The following MINDY3 variants were observed in gnomAD, a reference collection of about 807,000 sequenced individuals.
MINDY3 encodes ubiquitin carboxyl-terminal hydrolase MINDY-3.
A neutral mutation model predicts 69.2 loss-of-function variants in MINDY3; 38 were observed. The ratio of observed to expected loss-of-function variants is 0.55; its 90% CI spans 0.42 to 0.72. The LOEUF (loss-of-function observed/expected upper bound fraction) is 0.72. MINDY3 is among the 30% of genes least tolerant of loss of function. The pLI is 0.00. For missense variants in MINDY3, 522 were observed against 519.0 expected (o/e 1.01, Z -0.06); for synonymous variants, 192 against 180.1 (o/e 1.07, Z -0.53).
At chr10:15,787,294 A>G (rs1015906432) in intron 12 of MINDY3, among the ~76,000 whole-genome samples, 1 of 152,152 alleles carries the variant, frequency 6.6e-6, no homozygotes, top group Non-Finnish European at 1.5e-5. Context: ...GGCTGGTGAC[A>G]GGTGGTGTTA....
intron 8 of MINDY3, among the ~76,000 whole-genome samples, chr10:15,823,125 G>T (rs1839880258): frequency 1.3e-5 from 2 of 152,072 alleles, no homozygotes; most frequent in Admixed American, 1.3e-4. Context: ...ACAACATCTA[G>T]ATGGTGTAAG....
chr10:15,791,193 C>G (rs1293024936), intron 11 of MINDY3, among the ~76,000 whole-genome samples: 1 of 151,976 alleles, frequency 6.6e-6, no homozygotes, highest in African/African-American at 2.4e-5. Context: ...TTTTAATATA[C>G]TCAAGATTAG....
At chr10:15,853,618 G>A (rs181941452) in intron 1 of MINDY3, among the ~76,000 whole-genome samples, 7 of 151,948 alleles carry the variant, frequency 4.6e-5, no homozygotes, top group African/African-American at 7.2e-5. Flanking sequence ...TATATTCTGC[G>A]GAACAAAATG....
chr10:15,806,079 C>A (rs1838620181), intron 10 of MINDY3, among the ~76,000 whole-genome samples: 1 of 152,176 alleles, frequency 6.6e-6, no homozygotes. Flanking sequence ...TCATCGCCCC[C>A]TTCTTGAGTA....
In MINDY3 at chr10:15,782,430, A is replaced by T. The variant is rs563278484; in HGVS notation, c.1117-204T>A. 17 of 502,846 alleles carry T rather than the reference A, an allele frequency of 3.4e-5. No homozygotes were observed. The Admixed American group carries it at 6.2e-4, about 18-fold the overall frequency. 31.1% of individuals were successfully genotyped at this position (502,846 alleles called of 1,614,324 possible). A position where few individuals can be genotyped will look rare whatever the true frequency, so the allele number is the denominator to read the frequency against. ...GTGTTGCCTCTGAAGAAGATGCTGG[A>T]AAGTAGGGAAGGTTGATTTCCATTA... On this transcript the variant is annotated intron_variant, in intron 13 of 14. Coordinates refer to ENST00000277632, the MANE Select transcript of MINDY3 (RefSeq NM_024948.4).
intron 13 of MINDY3, among the ~76,000 whole-genome samples, 154 bp downstream of exon 13, chr10:15,786,407 A>G (rs1836964477): frequency 6.6e-6 from 1 of 152,086 alleles, no homozygotes; most frequent in Admixed American, 6.6e-5. Flanking sequence ...TCGAACACAC[A>G]TTCCCTCTGT....
chr10:15,782,804 A>G (rs1039982061), intron 13 of MINDY3, among the ~76,000 whole-genome samples: 7 of 152,220 alleles, frequency 4.6e-5, no homozygotes, highest in African/African-American at 1.7e-4. Context: ...GTAATATTCA[A>G]TAAAGAAAGG....
rs776556595 is a variant in MINDY3, at chr10:15,778,962, T to G, written c.*30A>C. 6.3e-7 allele frequency: 1 copy of G among 1,596,898 alleles called. No homozygotes were observed. The highest frequency in any genetic ancestry group is 1.1e-5 in the South Asian group (1 of 89,116). The stretch of plus-strand genomic sequence containing the variant: ...GACTCCTTCTTTCAACATCTGTTAT[T>G]AAGATCTTCCTTATAAATACTTAGA... On this transcript the variant is annotated 3_prime_UTR_variant, in exon 15 of 15. Transcript: ENST00000277632.
In MINDY3 at chr10:15,848,136, G is replaced by A. The variant is rs560748863; in HGVS notation, c.95-193C>T. The stretch of plus-strand genomic sequence containing the variant: ...TATCCACCCCCACTCCCAAATGCAC[G>A]TAAGAGTACATATACTCACACAATT... On this transcript the variant is annotated intron_variant, in intron 1 of 14. Coordinates refer to ENST00000277632, the MANE Select transcript of MINDY3 (RefSeq NM_024948.4). Among the ~76,000 whole-genome samples, 75 of 152,016 alleles carry A rather than the reference G, an allele frequency of 4.9e-4. 1 individual carries two copies. Among genetic ancestry groups the A allele is most frequent in the African/African-American group, 1.7e-3 (69 of 41,460 alleles).
At position 15,788,291 on chromosome 10, in the gene MINDY3, A is replaced by G. The variant is rs140459286; in HGVS notation, c.1028+956T>C. On this transcript the variant is annotated intron_variant, in intron 12 of 14. Transcript: ENST00000277632. ...TTAAATTGAAAACAATTATTCATTTATTAATATTTCTAACTATTGAGAATG... is the reference window on the plus strand; with the variant it reads ...TTAAATTGAAAACAATTATTCATTTGTTAATATTTCTAACTATTGAGAATG... Among the ~76,000 whole-genome samples the G allele has an allele frequency of 3.3e-3, 498 of 152,282 alleles. 3 individuals are homozygous for G. The highest frequency in any genetic ancestry group is 0.011 in the African/African-American group (473 of 41,566).
chr10:15,824,148 G>GT (rs1240018952), intron 8 of MINDY3, among the ~76,000 whole-genome samples: 1 of 152,196 alleles, frequency 6.6e-6, no homozygotes, highest in Admixed American at 6.5e-5. Flanking sequence ...TAGATACTGA[G>GT]TAGTGGGATT....
intron 8 of MINDY3, among the ~76,000 whole-genome samples, chr10:15,832,106 T>C (rs184182896): frequency 2.6e-5 from 4 of 152,198 alleles, no homozygotes; most frequent in Non-Finnish European, 4.4e-5. Flanking sequence ...GTTTGGGGAC[T>C]AGGGTAAGCT....
intron 1 of MINDY3, among the ~76,000 whole-genome samples, chr10:15,848,201 T>C (rs910761153): frequency 6.6e-6 from 1 of 152,194 alleles, no homozygotes; most frequent in Non-Finnish European, 1.5e-5. Context: ...AAGTATGGAC[T>C]TTAGTAAAAT....
intron 14 of MINDY3, 101 bp from the exon 15 acceptor site, chr10:15,779,242 T>A: frequency 1.1e-6 from 1 of 917,884 alleles, no homozygotes; most frequent in Non-Finnish European, 1.5e-6. Flanking sequence ...AGGTATTACA[T>A]AGTTTCAGAT....
At chr10:15,794,381 C>T (rs114936630) in intron 11 of MINDY3, among the ~76,000 whole-genome samples, 1 of 152,020 alleles carries the variant, frequency 6.6e-6, no homozygotes, top group African/African-American at 2.4e-5. Flanking sequence ...TACTTTTAAT[C>T]CTTCTTAGAG....
At chr10:15,841,370 A>T (rs1833455932) in intron 4 of MINDY3, 56 bp downstream of exon 4, 4 of 1,361,396 alleles carry the variant, frequency 2.9e-6, no homozygotes. Context: ...TATTCAATAG[A>T]TTCATTAAAA....
intron 3 of MINDY3, 52 bp from the exon 4 acceptor site, chr10:15,841,651 ATTCTGTCATG>A: frequency 4.0e-6 from 5 of 1,257,206 alleles, no homozygotes; most frequent in Non-Finnish European, 5.5e-6. Context: ...AAAAAAAAAA[ATTCTGTCATG>A]AATAACAATA....
intron 8 of MINDY3, among the ~76,000 whole-genome samples, chr10:15,833,079 T>C (rs116776019): frequency 1.3e-3 from 202 of 152,278 alleles, no homozygotes; most frequent in African/African-American, 4.2e-3. Context: ...ACGGAATGGA[T>C]TGGCCAAAAT....
Position 15,841,474 on chromosome 10 carries a change from T to C in MINDY3, c.361A>G (p.Ser121Gly). 1 of 1,611,964 alleles carries C rather than the reference T, an allele frequency of 6.2e-7. No individual in the cohort carries two copies. Residue 121 changes from serine (S) to glycine (G), a missense_variant, in exon 4 of 15, where the codon AGT becomes GGT. Coordinates refer to ENST00000277632, the MANE Select transcript of MINDY3 (RefSeq NM_024948.4). ...GACTCTGCAGGACTCCCAGAAATAC[T>C]AGCAGTTTCCTCAGTTGTCTTTCCT... ...LRGKTTEETA[S>G]ISGSPAESSC...
Sources: allele counts gnomAD v4.1 joint callset (sites outside exome capture counted in the v4.1 genomes callset), GRCh38; gene constraint gnomAD v4.1.1; transcripts MANE v1.5; gene names NCBI Gene and HGNC (gene_info 2026-07-23, HGNC 2026-07-21).